The following COBLL1 variants were observed in gnomAD, a reference collection of about 807,000 sequenced individuals.
COBLL1 encodes the protein cordon-bleu protein-like 1.
COBLL1 carries 50 observed loss-of-function variants against 94.8 expected under a neutral mutation model. That is an observed-to-expected ratio of 0.53 (90% CI 0.42 to 0.67). The LOEUF is 0.67. Among genes scored for constraint, COBLL1 ranks in the 30% least tolerant of loss-of-function variants. The probability of loss-of-function intolerance (pLI) is 0.00; values close to 1 mark genes in which losing one functional copy is unlikely to be tolerated. For missense variants in COBLL1, 1,362 were observed against 1,348.7 expected, an observed-to-expected ratio of 1.01 and a Z score of -0.15; for synonymous variants, 448 against 473.8, an observed-to-expected ratio of 0.95 and a Z score of 0.71.
At position 164,695,534 on chromosome 2, in the gene COBLL1, G is replaced by A. The variant is rs1383444651; in HGVS notation, c.1858C>T (p.His620Tyr). 6.2e-7 allele frequency: 1 copy of A among 1,613,802 alleles called. No individual in the cohort carries two copies. ...TCAACTTTGGAGTCAGATAAATTATGATCTTGGTGTTTCCCATCAAAACTG... is the reference window on the plus strand; with the variant it reads ...TCAACTTTGGAGTCAGATAAATTATAATCTTGGTGTTTCCCATCAAAACTG... Reference protein sequence around the residue: ...CNSFDGKHQDHNLSDSKVEEC... With the variant: ...CNSFDGKHQDYNLSDSKVEEC... The change falls in exon 12 of 14, where the codon CAT (histidine) becomes TAT (tyrosine). Residue 620 changes from histidine (H) to tyrosine (Y), a missense_variant. Coordinates refer to ENST00000652658, the MANE Select transcript of COBLL1 (RefSeq NM_001365672.2).
intron 2 of COBLL1, among the ~76,000 whole-genome samples, chr2:164,760,296 G>C (rs1687615547): frequency 1.3e-5 from 2 of 152,166 alleles, no homozygotes; most frequent in African/African-American, 2.4e-5. Context: ...CAGTCTCAAG[G>C]AGTTACATAC....
intron 2 of COBLL1, among the ~76,000 whole-genome samples, chr2:164,749,335 A>T (rs1391161227): frequency 6.6e-6 from 1 of 152,190 alleles, no homozygotes; most frequent in Non-Finnish European, 1.5e-5. Flanking sequence ...ATATGAGTGA[A>T]TTCTCAGTCT....
intron 2 of COBLL1, chr2:164,773,728 TA>T: frequency 7.7e-7 from 1 of 1,295,096 alleles, no homozygotes; most frequent in Non-Finnish European, 1.0e-6. Flanking sequence ...AAAGTCTCCA[TA>T]AAACAGTATT....
Position 164,722,179 on chromosome 2 carries a change from G to A in COBLL1, c.892C>T (p.Pro298Ser), listed in dbSNP as rs1274577428. 1.2e-6 allele frequency: 2 copies of A among 1,614,086 alleles called. No homozygotes were observed. Among genetic ancestry groups the A allele is most frequent in the Admixed American group, 1.7e-5 (1 of 60,022 alleles). ...ACACTCTGAGATGCTGGCATCGGGG[G>A]CAGTGGAGCCCGCCTCTTCTTGGGT... is the stretch of plus-strand genomic sequence containing the variant. ...DAPKKRRAPL[P>S]PMPASQSVPQ... is the part of the protein sequence containing the mutation. Residue 298 changes from proline to serine, a missense_variant, in exon 7 of 14, where the codon CCC becomes TCC. Pro to Ser is a moderately conservative substitution (Grantham distance 74). Coordinates refer to ENST00000652658, the MANE Select transcript of COBLL1 (RefSeq NM_001365672.2).
intron 3 of COBLL1, 76 bp downstream of exon 3, chr2:164,743,611 C>G: frequency 8.6e-7 from 1 of 1,161,724 alleles, no homozygotes; most frequent in East Asian, 2.4e-5. Flanking sequence ...GAACAAACAT[C>G]AAGACGTATA....
At chr2:164,760,572 G>C (rs939960885) in intron 2 of COBLL1, among the ~76,000 whole-genome samples, 4 of 152,144 alleles carry the variant, frequency 2.6e-5, no homozygotes, top group Non-Finnish European at 5.9e-5. Flanking sequence ...GATGAAATCA[G>C]AATAAGGTCT....
intron 2 of COBLL1, among the ~76,000 whole-genome samples, chr2:164,787,447 G>A (rs2105289026): frequency 6.6e-6 from 1 of 152,122 alleles, no homozygotes; most frequent in African/African-American, 2.4e-5. Flanking sequence ...AACTATATGA[G>A]ATGATGAATA....
downstream of COBLL1, among the ~76,000 whole-genome samples, chr2:164,675,679 A>G (rs1327907277): frequency 6.6e-6 from 1 of 152,232 alleles, no homozygotes; most frequent in Admixed American, 6.5e-5. Context: ...TGTGTATTAA[A>G]TGTCTTATCT....
chr2:164,777,685 A>G (rs1288338388), intron 2 of COBLL1, among the ~76,000 whole-genome samples: 1 of 152,178 alleles, frequency 6.6e-6, no homozygotes, highest in African/African-American at 2.4e-5. Flanking sequence ...AGCAACTTTT[A>G]AAGAGTGTAA....
intron 2 of COBLL1, among the ~76,000 whole-genome samples, chr2:164,770,023 A>C (rs1437388880): frequency 1.3e-5 from 2 of 152,214 alleles, no homozygotes; most frequent in African/African-American, 2.4e-5. Context: ...ACTAAGGTAC[A>C]ATGTGCAGGA....
intron 2 of COBLL1, among the ~76,000 whole-genome samples, chr2:164,810,333 A>T (rs531868230): frequency 9.9e-5 from 15 of 151,706 alleles, no homozygotes; most frequent in Non-Finnish European, 4.4e-5. Flanking sequence ...TATATTTATC[A>T]GAAAATTTAT....
chr2:164,722,442 T>C lies in COBLL1; in HGVS notation c.742A>G (p.Lys248Glu). Residue 248 changes from lysine to glutamate, a missense_variant, in exon 6 of 14, where the codon AAG becomes GAG. Lys to Glu is a moderately conservative substitution (Grantham distance 56). Transcript: ENST00000652658. ...KGFFSFFQRS[K>E]KKRDQTASAP... ...ATACTTACTTGGTCTCGCTTTTTCT[T>C]ACTGCGTTGAAAAAAACTGAAAAAC... 1 of 1,526,006 alleles carries C rather than the reference T, an allele frequency of 6.6e-7. No individual in the cohort carries two copies. Among genetic ancestry groups the C allele is most frequent in the South Asian group, 1.3e-5 (1 of 76,198 alleles). The allele number at this position is 1,526,006 out of a possible 1,614,324, so 94.5% of individuals were successfully genotyped here.
intron 12 of COBLL1, among the ~76,000 whole-genome samples, chr2:164,693,106 T>A (rs1161795896): frequency 6.6e-6 from 1 of 152,132 alleles, no homozygotes. Context: ...AACTGCCAAA[T>A]ACGTATCTTT....
intron 2 of COBLL1, among the ~76,000 whole-genome samples, chr2:164,789,138 T>C (rs1187168511): frequency 6.7e-6 from 1 of 149,746 alleles, no homozygotes; most frequent in Non-Finnish European, 1.5e-5. Context: ...AGCATAGGAG[T>C]TCAAATCCAG....
At chr2:164,709,008 A>G (rs1485507213) in intron 7 of COBLL1, among the ~76,000 whole-genome samples, 1 of 152,214 alleles carries the variant, frequency 6.6e-6, no homozygotes, top group Non-Finnish European at 1.5e-5. Flanking sequence ...AATAAAGCAG[A>G]CAGTATAGAA....
intron 3 of COBLL1, among the ~76,000 whole-genome samples, chr2:164,736,252 T>A (rs1686303831): frequency 6.6e-6 from 1 of 152,178 alleles, no homozygotes; most frequent in South Asian, 2.1e-4. Flanking sequence ...CTGATGTTTA[T>A]CAATCTTATG....
chr2:164,797,512 T>C (rs1208843213), intron 2 of COBLL1, among the ~76,000 whole-genome samples: 1 of 152,130 alleles, frequency 6.6e-6, no homozygotes, highest in Non-Finnish European at 1.5e-5. Flanking sequence ...TTAAACAATA[T>C]ATCCACCATT....
intron 7 of COBLL1, among the ~76,000 whole-genome samples, chr2:164,712,847 A>G (rs922833064): frequency 2.0e-5 from 3 of 152,110 alleles, no homozygotes; most frequent in Admixed American, 2.0e-4. Flanking sequence ...GAGGAAAAAA[A>G]TCACTAAATC....
At chr2:164,668,611 A>T (rs528662704) in intron 1 of COBLL1, among the ~76,000 whole-genome samples, 2 of 152,380 alleles carry the variant, frequency 1.3e-5, no homozygotes, top group South Asian at 4.1e-4. Flanking sequence ...TGCCACTAAC[A>T]TTCAATTTGT....
Sources: gnomAD v4.1 joint callset for allele counts (sites outside exome capture counted in the v4.1 genomes callset) on GRCh38, gnomAD v4.1.1 for gene constraint, MANE v1.5 for transcripts, NCBI Gene and HGNC (gene_info 2026-07-23, HGNC 2026-07-21) for gene names.